PDE4B: variants seen among roughly 807,000 people sequenced by gnomAD.
PDE4B encodes 3',5'-cyclic-AMP phosphodiesterase 4B.
Under a neutral mutation model 82.2 loss-of-function variants are expected in PDE4B, and 20 were observed. That is an observed-to-expected ratio of 0.24 (90% CI 0.17 to 0.35). The LOEUF is 0.35. Ranked by LOEUF, PDE4B falls within the 10% of genes least tolerant of loss-of-function variation. The probability of loss-of-function intolerance (pLI) is 1.00; values close to 1 mark genes in which losing one functional copy is unlikely to be tolerated. For synonymous variants in PDE4B, 320 were observed against 318.9 expected, an observed-to-expected ratio of 1.00 and a Z score of -0.04; for missense variants, 655 against 907.2, an observed-to-expected ratio of 0.72 and a Z score of 3.57.
intron 1 of PDE4B, among the ~76,000 whole-genome samples, chr1:65,860,986 A>C (rs947449696): frequency 1.3e-5 from 2 of 152,062 alleles, no homozygotes; most frequent in Admixed American, 1.3e-4. Flanking sequence ...ATTTTCTCCC[A>C]TTCTGTAGGT....
intron 1 of PDE4B, among the ~76,000 whole-genome samples, chr1:65,824,399 A>G (rs1488628725): frequency 2.0e-5 from 3 of 152,096 alleles, no homozygotes; most frequent in African/African-American, 7.2e-5. Context: ...TAGTGTGAGT[A>G]TGCTTAAAGA....
At chr1:66,235,844 C>T (rs904309071) in intron 3 of PDE4B, among the ~76,000 whole-genome samples, 14 of 152,172 alleles carry the variant, frequency 9.2e-5, no homozygotes, top group Non-Finnish European at 1.5e-5. Context: ...TCGGGCAGCC[C>T]TCAGATCAGA....
At chr1:65,874,546 T>C (rs1170789387) in intron 1 of PDE4B, among the ~76,000 whole-genome samples, 2 of 152,144 alleles carry the variant, frequency 1.3e-5, no homozygotes, top group Non-Finnish European at 2.9e-5. Flanking sequence ...CTTCAAACTC[T>C]ACTACAAGGC....
At chr1:66,163,295 T>A (rs1055486519) in intron 3 of PDE4B, among the ~76,000 whole-genome samples, 1 of 152,238 alleles carries the variant, frequency 6.6e-6, no homozygotes, top group Non-Finnish European at 1.5e-5. Context: ...TTGTTGAAAT[T>A]AAATCTGACG....
intron 7 of PDE4B, chr1:66,266,843 C>G (rs551845662): frequency 8.1e-6 from 3 of 371,704 alleles, no homozygotes; most frequent in Non-Finnish European, 1.6e-5. Flanking sequence ...CTGTTCCCTA[C>G]TAATGTAGCA....
chr1:66,089,324 G>C (rs1644962858), intron 3 of PDE4B, among the ~76,000 whole-genome samples: 1 of 152,074 alleles, frequency 6.6e-6, no homozygotes, highest in African/African-American at 2.4e-5. Flanking sequence ...CTCAATTTTA[G>C]TGTTTTGATT....
rs1415097476 is a variant in PDE4B, at chr1:66,201,972, T to C, written c.282-45488T>C. Among the ~76,000 whole-genome samples, 3 of 152,206 alleles carry C rather than the reference T, an allele frequency of 2.0e-5. No individual in the cohort carries two copies. The East Asian group carries it at 5.8e-4, about 29-fold the overall frequency. ...AATTTTAGATCTTTCCTGCTTTCTC[T>C]TGTGGGCATTTAGTGCTATAAATTT... On this transcript the variant is annotated intron_variant, in intron 3 of 16. Transcript: ENST00000341517.
chr1:66,106,586 T>G (rs1570249695), intron 3 of PDE4B, among the ~76,000 whole-genome samples: 1 of 151,108 alleles, frequency 6.6e-6, no homozygotes. Context: ...TTTTGGTTGG[T>G]AAGCTATTGA....
chr1:66,331,284 G>T (rs1660088214), intron 7 of PDE4B, among the ~76,000 whole-genome samples: 1 of 152,136 alleles, frequency 6.6e-6, no homozygotes, highest in Non-Finnish European at 1.5e-5. Flanking sequence ...AGTGCCTATT[G>T]TGTGTTTGTA....
At chr1:66,254,949 TG>T (rs1654076851) in intron 4 of PDE4B, among the ~76,000 whole-genome samples, 1 of 152,206 alleles carries the variant, frequency 6.6e-6, no homozygotes, top group African/African-American at 2.4e-5. Flanking sequence ...ACTTTTCTGT[TG>T]GCCCATCTCA....
chr1:65,899,703 A>G (rs1646950283), intron 1 of PDE4B, among the ~76,000 whole-genome samples: 1 of 150,024 alleles, frequency 6.7e-6, no homozygotes, highest in Non-Finnish European at 1.5e-5. Flanking sequence ...ACTCAGCCAT[A>G]AAAAGGAATG....
At chr1:66,286,479 A>T (rs1456729769) in intron 7 of PDE4B, among the ~76,000 whole-genome samples, 3 of 152,140 alleles carry the variant, frequency 2.0e-5, no homozygotes, top group African/African-American at 7.2e-5. Flanking sequence ...TGCAGATGTG[A>T]CTGCCACATT....
intron 7 of PDE4B, chr1:66,330,942 A>G (rs1284720518): frequency 1.7e-5 from 4 of 234,182 alleles, no homozygotes; most frequent in African/African-American, 9.3e-5. Context: ...AGTTACCTCC[A>G]GTGGTTTTGT....
chr1:65,932,014 C>A (rs1253010638), intron 3 of PDE4B, among the ~76,000 whole-genome samples: 1 of 152,182 alleles, frequency 6.6e-6, no homozygotes, highest in East Asian at 1.9e-4. Context: ...AATGAAAAAT[C>A]CCTGCTTCCA....
rs552508539 is a variant in PDE4B at position 65,878,917 on chromosome 1, A to T, written c.-70-34328A>T. 5.3e-5 allele frequency among the ~76,000 whole-genome samples: 8 copies of T among 152,282 alleles called. No individual in the cohort carries two copies. The South Asian group carries it at 1.7e-3, about 32-fold the overall frequency. ...GTAAAATAAAAAAAATTATAAAGAC[A>T]ATATGAAAACTTTTGGAACATACTT... On this transcript the variant is annotated intron_variant, in intron 1 of 16. Coordinates refer to ENST00000341517, the MANE Select transcript of PDE4B (RefSeq NM_002600.4).
rs115220058 is a variant in PDE4B at position 66,344,253 on chromosome 1, G to A, written c.748-11274G>A. Among the ~76,000 whole-genome samples the A allele has an allele frequency of 4.4e-3, 666 of 152,310 alleles. 3 individuals carry two copies. Among genetic ancestry groups the A allele is most frequent in the South Asian group, 0.013 (64 of 4,832 alleles). On this transcript the variant is annotated intron_variant, in intron 8 of 16. Coordinates refer to ENST00000341517, the MANE Select transcript of PDE4B (RefSeq NM_002600.4). ...GTGTTCTTGTCAGGGAGAGCTACCA[G>A]TGAATTTTTTCCTGCTGTATTTTAA...
chr1:66,149,940 G>A (rs1646357860), intron 3 of PDE4B, among the ~76,000 whole-genome samples: 1 of 152,176 alleles, frequency 6.6e-6, no homozygotes, highest in Admixed American at 6.5e-5. Context: ...ATGTTGTAAG[G>A]TAGGAGTCCA....
intron 9 of PDE4B, 62 bp from the exon 10 acceptor site, chr1:66,361,553 A>T: frequency 7.6e-7 from 1 of 1,316,014 alleles, no homozygotes; most frequent in Non-Finnish European, 1.1e-6. Flanking sequence ...AGTTGTTTTG[A>T]ATATTGCAGT....
intron 3 of PDE4B, among the ~76,000 whole-genome samples, chr1:66,130,131 A>T (rs1645910569): frequency 1.3e-5 from 2 of 152,242 alleles, no homozygotes; most frequent in South Asian, 4.1e-4. Flanking sequence ...AGAAGTATAG[A>T]TTATCAATCA....
Sources: gnomAD v4.1 joint callset for allele counts (sites outside exome capture counted in the v4.1 genomes callset) on GRCh38, gnomAD v4.1.1 for gene constraint, MANE v1.5 for transcripts, NCBI Gene and HGNC (gene_info 2026-07-23, HGNC 2026-07-21) for gene names.